ENTPD1: variants seen among roughly 807,000 people sequenced by gnomAD.
The protein encoded by ENTPD1 is ATP diphosphohydrolase.
In ENTPD1, 33 loss-of-function variants were observed where a neutral mutation model predicts 57.0. That is an observed-to-expected ratio of 0.58 (90% CI 0.44 to 0.77). The LOEUF (loss-of-function observed/expected upper bound fraction) is 0.77. ENTPD1 is among the 30% of genes least tolerant of loss of function. The pLI, the probability that ENTPD1 is intolerant of heterozygous loss-of-function variation, is 0.00. For synonymous variants in ENTPD1, 202 were observed against 218.8 expected, an observed-to-expected ratio of 0.92 and a Z score of 0.68; for missense variants, 501 against 603.4, an observed-to-expected ratio of 0.83 and a Z score of 1.78.
At position 95,870,925 on chromosome 10, in the gene ENTPD1, G is replaced by GT. The variant is rs1358176923; in HGVS notation, c.*4543dup. On this transcript the variant is annotated 3_prime_UTR_variant, in exon 10 of 10. Transcript: ENST00000371205. Reference sequence around the variant, plus strand: ...CAGCTGGGCAGCTCTACTTCAGGTGGTAAGGGTGGATCAGACCTATTCCAT... The same window carrying GT: ...CAGCTGGGCAGCTCTACTTCAGGTGGTTAAGGGTGGATCAGACCTATTCCAT... 20 of 985,312 alleles carry GT rather than the reference G, an allele frequency of 2.0e-5. No individual in the cohort carries two copies. Among genetic ancestry groups the GT allele is most frequent in the Non-Finnish European group, 2.4e-5 (20 of 829,940 alleles). The allele number at this position is 985,312 out of a possible 1,614,324, so 61.0% of individuals were successfully genotyped here. A position where few individuals can be genotyped will look rare whatever the true frequency, so the allele number is the denominator to read the frequency against.
At chr10:95,776,678 C>G (rs2098135373) in intron 1 of ENTPD1, among the ~76,000 whole-genome samples, 1 of 152,106 alleles carries the variant, frequency 6.6e-6, no homozygotes, top group South Asian at 2.1e-4. Flanking sequence ...GAATATTGGC[C>G]TGCCTTGCTA....
chr10:95,822,081 C>T (rs960486812), intron 1 of ENTPD1, among the ~76,000 whole-genome samples: 8 of 139,640 alleles, frequency 5.7e-5, no homozygotes, highest in Non-Finnish European at 1.2e-4. Flanking sequence ...CTCACAGCAA[C>T]CTCTGCCTCC....
chr10:95,799,915 C>T (rs1315020337), intron 1 of ENTPD1, among the ~76,000 whole-genome samples: 6 of 152,112 alleles, frequency 3.9e-5, no homozygotes, highest in Non-Finnish European at 7.4e-5. Flanking sequence ...TGATTGTTGG[C>T]CACATGTATG....
At chr10:95,755,512 G>A (rs1046480997), upstream of ENTPD1, 6 of 605,410 alleles carry the variant, frequency 9.9e-6, no homozygotes, top group African/African-American at 1.9e-5. Context: ...AAGGTAGGAA[G>A]TCAAAGTTGG....
intron 1 of ENTPD1, among the ~76,000 whole-genome samples, chr10:95,783,969 C>T (rs557468070): frequency 5.9e-5 from 9 of 152,038 alleles, no homozygotes; most frequent in East Asian, 1.9e-4. Context: ...GGGGTGAAAG[C>T]GGGTAGAAAA....
chr10:95,812,099 C>T (rs1289951945), intron 1 of ENTPD1, among the ~76,000 whole-genome samples: 1 of 152,208 alleles, frequency 6.6e-6, no homozygotes, highest in Non-Finnish European at 1.5e-5. Flanking sequence ...AATTTCTTTA[C>T]TGAATTTACA....
chr10:95,719,895 G>T (rs946931942), intron 1 of ENTPD1, among the ~76,000 whole-genome samples: 2 of 152,190 alleles, frequency 1.3e-5, no homozygotes, highest in African/African-American at 2.4e-5. Context: ...GTACAGGGAT[G>T]CAGAAAAAGG....
At chr10:95,713,067 A>C (rs1338452842) in intron 1 of ENTPD1, among the ~76,000 whole-genome samples, 1 of 151,346 alleles carries the variant, frequency 6.6e-6, no homozygotes, top group Non-Finnish European at 1.5e-5. Context: ...CTGTGGCGGC[A>C]AGAGTCTTTG....
chr10:95,715,163 G>A (rs531147620), intron 1 of ENTPD1, among the ~76,000 whole-genome samples: 2 of 152,302 alleles, frequency 1.3e-5, no homozygotes, highest in African/African-American at 4.8e-5. Flanking sequence ...TTAATCAGGA[G>A]TCATTTCAGA....
chr10:95,745,273 TC>T (rs1373865547), intron 1 of ENTPD1, among the ~76,000 whole-genome samples: 2 of 152,206 alleles, frequency 1.3e-5, no homozygotes, highest in East Asian at 3.8e-4. Context: ...AGCCTTGAAC[TC>T]CTGGGCTCAA....
At chr10:95,845,652 C>T (rs1252750712) in intron 6 of ENTPD1, 56 bp downstream of exon 6, 1 of 1,614,114 alleles carries the variant, frequency 6.2e-7, no homozygotes, top group East Asian at 2.2e-5. Flanking sequence ...CCAGCCCCCA[C>T]ATCCTGTTGT....
chr10:95,817,417 CCTCT>C (rs2140498096), intron 1 of ENTPD1, among the ~76,000 whole-genome samples: 1 of 152,210 alleles, frequency 6.6e-6, no homozygotes, highest in East Asian at 1.9e-4. Context: ...AAGGCCACAC[CCTCT>C]CTCTCCAGTG....
intron 1 of ENTPD1, among the ~76,000 whole-genome samples, chr10:95,799,951 T>C (rs546314033): frequency 6.6e-6 from 1 of 152,328 alleles, no homozygotes; most frequent in African/African-American, 2.4e-5. Context: ...TGTCTGTTCA[T>C]GTCCTTTGCC....
rs2098482789 is a variant in ENTPD1, at chr10:95,873,601, T to C, written c.*7218T>C. 4.1e-6 allele frequency: 4 copies of C among 985,490 alleles called. No homozygotes were observed. The highest frequency in any genetic ancestry group is 4.8e-6 in the Non-Finnish European group (4 of 829,944). 61.0% of individuals were successfully genotyped at this position (985,490 alleles called of 1,614,324 possible). On this transcript the variant is annotated 3_prime_UTR_variant, in exon 10 of 10. Coordinates refer to ENST00000371205, the MANE Select transcript of ENTPD1 (RefSeq NM_001776.6). The stretch of plus-strand genomic sequence containing the variant: ...TTTAGAAGTTTAGCTGGTTTCTTAT[T>C]ACTCCTGTCTATGGATGTTTCCTTC...
intron 2 of ENTPD1, among the ~76,000 whole-genome samples, chr10:95,827,683 C>G (rs544289187): frequency 5.3e-5 from 8 of 152,158 alleles, no homozygotes; most frequent in African/African-American, 1.9e-4. Flanking sequence ...GGGGTTTCAC[C>G]TTGTTGGCCA....
intron 8 of ENTPD1, 23 bp from the exon 9 acceptor site, chr10:95,864,701 T>G: frequency 6.2e-7 from 1 of 1,613,928 alleles, no homozygotes; most frequent in Non-Finnish European, 8.5e-7. Context: ...ACGAGTATGA[T>G]CTCCCCCTCA....
At chr10:95,722,190 T>C (rs1383822813) in intron 1 of ENTPD1, among the ~76,000 whole-genome samples, 2 of 152,090 alleles carry the variant, frequency 1.3e-5, no homozygotes, top group East Asian at 1.9e-4. Context: ...CTCCTAACTC[T>C]GCTTCCACAA....
chr10:95,773,135 A>C (rs2098121212), intron 1 of ENTPD1, among the ~76,000 whole-genome samples: 1 of 152,128 alleles, frequency 6.6e-6, no homozygotes, highest in African/African-American at 2.4e-5. Context: ...CGAATAGAGT[A>C]AGAGTTCACT....
intron 1 of ENTPD1, among the ~76,000 whole-genome samples, chr10:95,743,781 CT>C (rs919913143): frequency 2.7e-5 from 4 of 150,806 alleles, no homozygotes; most frequent in African/African-American, 9.7e-5. Flanking sequence ...TTCTTAATTA[CT>C]TTCTGGCCCC....
Sources: allele counts gnomAD v4.1 joint callset (sites outside exome capture counted in the v4.1 genomes callset), GRCh38; gene constraint gnomAD v4.1.1; transcripts MANE v1.5; gene names NCBI Gene and HGNC (gene_info 2026-07-23, HGNC 2026-07-21).